Variants in KSR1 observed in about 807,000 individuals in gnomAD.
The protein encoded by KSR1 is kinase suppressor of ras 1.
In KSR1, 35 loss-of-function variants were observed where a neutral mutation model predicts 92.9. The ratio of observed to expected loss-of-function variants is 0.38; its 90% confidence interval spans 0.29 to 0.50. KSR1 has a LOEUF of 0.50. Among genes scored for constraint, KSR1 ranks in the 20% least tolerant of loss-of-function variants. KSR1 has a pLI of 0.94. For synonymous variants in KSR1, 467 were observed against 472.6 expected (o/e 0.99, Z 0.15); for missense variants, 972 against 1,158.5 (o/e 0.84, Z 2.34).
Position 27,577,981 on chromosome 17 carries a change from C to G in KSR1, c.520+342C>G. ...CCACATTCCAGCCCCCAGCCCTCTC[C>G]CCGTCTTCTCCTGTCCCCATTGCTG... is the stretch of plus-strand genomic sequence containing the variant. On this transcript the variant is annotated intron_variant, in intron 3 of 20. Transcript: ENST00000644974. The surrounding 1 kb of genome is among the most constrained non-coding windows in gnomAD (Gnocchi z 4.5). The G allele has an allele frequency of 2.4e-6, 1 of 412,026 alleles. No individual in the cohort carries two copies. Among genetic ancestry groups the G allele is most frequent in the East Asian group, 5.5e-5 (1 of 18,110 alleles). The allele number at this position is 412,026 out of a possible 1,614,324, so 25.5% of individuals were successfully genotyped here.
chr17:27,616,095 GTGTT>G (rs1043895518), intron 18 of KSR1, among the ~76,000 whole-genome samples: 3 of 152,128 alleles, frequency 2.0e-5, no homozygotes, highest in South Asian at 2.1e-4. Flanking sequence ...GTTTTTTTGT[GTGTT>G]TGTTTGTTTT....
At chr17:27,496,747 G>A (rs2069000824) in intron 1 of KSR1, among the ~76,000 whole-genome samples, 2 of 152,206 alleles carry the variant, frequency 1.3e-5, no homozygotes, top group African/African-American at 4.8e-5. Context: ...AGGATTTGCA[G>A]CCACCTGCCA....
Position 27,609,173 on chromosome 17 carries a change from ACTC to A in KSR1, c.2092-17_2092-15del, listed in dbSNP as rs759734498. The A allele has an allele frequency of 5.0e-6, 8 of 1,603,342 alleles. No homozygotes were observed. Among genetic ancestry groups the A allele is most frequent in the Non-Finnish European group, 6.8e-6 (8 of 1,171,600 alleles). On this transcript the variant is annotated intron_variant, in intron 15 of 20. Transcript: ENST00000644974. ...ACCTCCGTCATCGTTGCACATCTTC[ACTC>A]CTCCTGATGTGTCCTCCAGGGCATG...
chr17:27,624,723 C>T lies in KSR1; in HGVS notation c.*1331C>T, dbSNP rs1016332290. The T allele has an allele frequency of 2.0e-5, 3 of 152,146 alleles. No individual in the cohort carries two copies. The highest frequency in any genetic ancestry group is 4.4e-5 in the Non-Finnish European group (3 of 68,044). The allele number at this position is 152,146 out of a possible 1,614,324, so 9.4% of individuals were successfully genotyped here. ...GGAAAAAGGGTGATGGGAGTGGAGA[C>T]GTGATTGGATTCAGGCCCAGAACCT... On this transcript the variant is annotated 3_prime_UTR_variant, in exon 21 of 21. Transcript: ENST00000644974.
intron 1 of KSR1, among the ~76,000 whole-genome samples, chr17:27,517,287 T>C (rs914317461): frequency 6.6e-6 from 1 of 152,242 alleles, no homozygotes; most frequent in African/African-American, 2.4e-5. Context: ...GACACTTGTT[T>C]CTATTGATTC....
chr17:27,566,288 CG>C (rs2072064719), intron 2 of KSR1: 1 of 391,678 alleles, frequency 2.6e-6, no homozygotes. Flanking sequence ...GCACCTGCCC[CG>C]GGAAGTATGT....
chr17:27,476,558 A>G (rs763980083), intron 1 of KSR1, among the ~76,000 whole-genome samples: 23 of 152,196 alleles, frequency 1.5e-4, no homozygotes, highest in Non-Finnish European at 2.5e-4. Flanking sequence ...CTGTGGGCTC[A>G]TCTCCTGGGT....
intron 11 of KSR1, 62 bp downstream of exon 11, chr17:27,601,463 C>T: frequency 7.2e-7 from 1 of 1,389,978 alleles, no homozygotes; most frequent in Non-Finnish European, 1.0e-6. Context: ...TCCTGCCCAC[C>T]TGGGCAGGGC....
intron 19 of KSR1, 34 bp downstream of exon 19, chr17:27,617,462 C>T (rs1567895459): frequency 6.3e-7 from 1 of 1,586,578 alleles, no homozygotes. Flanking sequence ...GACTGCCAGC[C>T]AGGCCCTCGC....
intron 1 of KSR1, among the ~76,000 whole-genome samples, chr17:27,487,446 A>G (rs1374225292): frequency 6.6e-6 from 1 of 151,404 alleles, no homozygotes; most frequent in Non-Finnish European, 1.5e-5. Context: ...CAAAAAAATA[A>G]GAATAAAAGG....
At chr17:27,463,470 A>T (rs2019544957) in intron 1 of KSR1, among the ~76,000 whole-genome samples, 1 of 151,254 alleles carries the variant, frequency 6.6e-6, no homozygotes, top group Non-Finnish European at 1.5e-5. Context: ...TGACAGAGAA[A>T]AAAAAAAAAA....
intron 19 of KSR1, 61 bp downstream of exon 19, chr17:27,617,489 T>C: frequency 1.3e-6 from 2 of 1,558,094 alleles, no homozygotes; most frequent in Non-Finnish European, 1.8e-6. Flanking sequence ...ACCTGGGGTC[T>C]TAGAGGGCAC....
At chr17:27,610,918 A>G (rs1031399513) in intron 17 of KSR1, among the ~76,000 whole-genome samples, 3 of 152,118 alleles carry the variant, frequency 2.0e-5, no homozygotes, top group African/African-American at 4.8e-5. Context: ...AGGCTCCCAC[A>G]TTGGACAGTG....
chr17:27,518,771 C>T (rs144097845), intron 1 of KSR1, among the ~76,000 whole-genome samples: 50 of 152,328 alleles, frequency 3.3e-4, no homozygotes, highest in African/African-American at 1.2e-3. Flanking sequence ...GACCCTCCTC[C>T]CTCTCCACCA....
At chr17:27,621,368 A>G (rs999368006) in intron 20 of KSR1, 95 bp downstream of exon 20, 2 of 396,830 alleles carry the variant, frequency 5.0e-6, no homozygotes, top group Middle Eastern at 6.2e-4. Context: ...AGCTTCTCCC[A>G]TCTTTGTGTC....
chr17:27,524,135 C>T (rs1035995530), intron 1 of KSR1, among the ~76,000 whole-genome samples: 38 of 151,880 alleles, frequency 2.5e-4, no homozygotes, highest in African/African-American at 8.7e-4. Flanking sequence ...GAGGCATAAG[C>T]GTGTAGGTGA....
chr17:27,524,886 G>A (rs2070197726), intron 1 of KSR1, among the ~76,000 whole-genome samples: 1 of 152,102 alleles, frequency 6.6e-6, no homozygotes, highest in Non-Finnish European at 1.5e-5. Context: ...TTCAAGCAGG[G>A]TTATATTACA....
intron 3 of KSR1, among the ~76,000 whole-genome samples, chr17:27,580,328 A>C (rs550128898): frequency 7.5e-4 from 114 of 152,356 alleles, no homozygotes; most frequent in African/African-American, 2.5e-3. Context: ...ATGGGAGCAC[A>C]GGGACTGAGC....
intron 1 of KSR1, among the ~76,000 whole-genome samples, chr17:27,532,071 C>T (rs968385952): frequency 3.3e-5 from 5 of 152,182 alleles, no homozygotes; most frequent in Non-Finnish European, 5.9e-5. Context: ...CTCTGGGCCT[C>T]AGTTTCCTCA....
Sources: gnomAD v4.1 joint callset for allele counts (sites outside exome capture counted in the v4.1 genomes callset) on GRCh38, gnomAD v4.1.1 for gene constraint, Gnocchi (gnomAD v3.1) non-coding constraint, MANE v1.5 for transcripts, NCBI Gene and HGNC (gene_info 2026-07-23, HGNC 2026-07-21) for gene names.